The following KCNJ16 variants were observed in gnomAD, a reference collection of about 807,000 sequenced individuals.
The protein encoded by KCNJ16 is inward rectifier potassium channel 16.
KCNJ16 carries 15 observed loss-of-function variants against 18.5 expected under a neutral mutation model. That is an observed-to-expected ratio of 0.81 (90% CI 0.54 to 1.25). KCNJ16 has a LOEUF of 1.25. Among genes scored for constraint, KCNJ16 ranks in the 50% most tolerant of loss-of-function variants. KCNJ16 has a pLI of 0.00. For missense variants in KCNJ16, 523 were observed against 525.7 expected (o/e 0.99, Z 0.05); for synonymous variants, 174 against 186.5 (o/e 0.93, Z 0.55).
chr17:70,131,099 A>G (rs932551700), intron 3 of KCNJ16, 124 bp downstream of exon 3: 2 of 1,065,764 alleles, frequency 1.9e-6, no homozygotes, highest in South Asian at 2.7e-5. Flanking sequence ...GAAGGGTTCA[A>G]TTGTAGCGTG....
chr17:70,106,386 A>G (rs2072927118), intron 2 of KCNJ16, among the ~76,000 whole-genome samples: 1 of 152,188 alleles, frequency 6.6e-6, no homozygotes, highest in Non-Finnish European at 1.5e-5. Context: ...ATTTAATTTC[A>G]TTTGATAATT....
chr17:70,125,948 T>G (rs1324942364), intron 2 of KCNJ16, among the ~76,000 whole-genome samples: 1 of 147,556 alleles, frequency 6.8e-6, no homozygotes, highest in Non-Finnish European at 1.5e-5. Flanking sequence ...AAAAGAAAAA[T>G]AGAAAACAGA....
At chr17:70,081,811 T>C (rs542592000) in intron 1 of KCNJ16, among the ~76,000 whole-genome samples, 40 of 123,342 alleles carry the variant, frequency 3.2e-4, no homozygotes, top group African/African-American at 2.0e-3. Flanking sequence ...ATGCTCTGTG[T>C]GTGTGTGTGT....
At chr17:70,114,339 T>C (rs1874035947) in intron 2 of KCNJ16, among the ~76,000 whole-genome samples, 1 of 152,058 alleles carries the variant, frequency 6.6e-6, no homozygotes. Context: ...AAGAGGACAG[T>C]TTGCAGGCAG....
At chr17:70,124,676 A>G (rs1598174560) in intron 2 of KCNJ16, among the ~76,000 whole-genome samples, 1 of 152,232 alleles carries the variant, frequency 6.6e-6, no homozygotes, top group East Asian at 1.9e-4. Flanking sequence ...CTGATTTTCA[A>G]GATAAGAATA....
chr17:70,133,232 G>T lies in KCNJ16; in HGVS notation c.1145G>T (p.Ser382Ile), dbSNP rs1405358460. 16 of 1,614,158 alleles carry T rather than the reference G, an allele frequency of 9.9e-6. No homozygotes were observed. Among genetic ancestry groups the T allele is most frequent in the Non-Finnish European group, 1.3e-5 (15 of 1,180,024 alleles). The change falls in exon 4 of 4, where the codon AGC (serine) becomes ATC (isoleucine). Residue 382 changes from serine to isoleucine, a missense_variant. Ser to Ile is a moderately radical substitution (Grantham distance 142). Coordinates refer to ENST00000392671, the MANE Select transcript of KCNJ16 (RefSeq NM_170741.4). ...TTTAGTGCAGTTGCCATTGTCAGCA[G>T]CTGTGAAAACCCTGAGGAGACCACC... is the stretch of plus-strand genomic sequence containing the variant. ...RSFSAVAIVS[S>I]CENPEETTTS...
chr17:70,076,085 A>G (rs369833475), intron 1 of KCNJ16, among the ~76,000 whole-genome samples: 7 of 152,144 alleles, frequency 4.6e-5, no homozygotes, highest in African/African-American at 1.7e-4. Context: ...GACATATATA[A>G]TTGAACAGTT....
chr17:70,130,997 T>C, intron 3 of KCNJ16, 22 bp downstream of exon 3: 1 of 1,534,276 alleles, frequency 6.5e-7, no homozygotes, highest in Non-Finnish European at 8.7e-7. Context: ...ATGTTCTGCC[T>C]TGATGTTTTC....
intron 1 of KCNJ16, among the ~76,000 whole-genome samples, chr17:70,077,078 A>T (rs2071346663): frequency 6.6e-6 from 1 of 152,232 alleles, no homozygotes; most frequent in Admixed American, 6.5e-5. Context: ...AGAGCAGTTC[A>T]GGCAGATGGA....
intron 2 of KCNJ16, among the ~76,000 whole-genome samples, chr17:70,110,513 C>T (rs1177915020): frequency 6.6e-6 from 1 of 151,112 alleles, no homozygotes; most frequent in African/African-American, 2.5e-5. Context: ...AACTCATTTC[C>T]GGCATCCAGT....
At chr17:70,127,177 A>C (rs1038972994) in intron 2 of KCNJ16, among the ~76,000 whole-genome samples, 1 of 152,174 alleles carries the variant, frequency 6.6e-6, no homozygotes, top group Non-Finnish European at 1.5e-5. Context: ...TAGAGCTGAG[A>C]GGGAGAAGAG....
At chr17:70,106,998 T>C (rs569045403) in intron 2 of KCNJ16, among the ~76,000 whole-genome samples, 1 of 152,188 alleles carries the variant, frequency 6.6e-6, no homozygotes, top group South Asian at 2.1e-4. Context: ...TCTTCTACCA[T>C]TGTTACAGTA....
At chr17:70,086,103 A>C (rs2143631085) in intron 1 of KCNJ16, among the ~76,000 whole-genome samples, 1 of 152,336 alleles carries the variant, frequency 6.6e-6, no homozygotes, top group South Asian at 2.1e-4. Context: ...TAGTTTAAAA[A>C]GTCTTTACTT....
chr17:70,120,706 G>C (rs8065956), intron 2 of KCNJ16, among the ~76,000 whole-genome samples: 1 of 152,084 alleles, frequency 6.6e-6, no homozygotes, highest in African/African-American at 2.4e-5. Flanking sequence ...AGAACTGGTC[G>C]TGGTCATGAA....
intron 2 of KCNJ16, among the ~76,000 whole-genome samples, chr17:70,110,627 C>A (rs780834616): frequency 1.3e-5 from 2 of 152,180 alleles, no homozygotes; most frequent in African/African-American, 4.8e-5. Context: ...CAGTAGGAAG[C>A]TTCATGCTTG....
intron 2 of KCNJ16, among the ~76,000 whole-genome samples, chr17:70,120,401 C>A (rs1248907376): frequency 6.6e-6 from 1 of 152,166 alleles, no homozygotes; most frequent in African/African-American, 2.4e-5. Flanking sequence ...TGTAGCAATG[C>A]CCCACTCTCA....
chr17:70,099,019 T>A (rs970112652), intron 1 of KCNJ16, among the ~76,000 whole-genome samples: 1 of 152,178 alleles, frequency 6.6e-6, no homozygotes, highest in Non-Finnish European at 1.5e-5. Flanking sequence ...ACATCAGCCA[T>A]GCGTGGAGTA....
chr17:70,099,110 T>C (rs1422466369), intron 1 of KCNJ16, among the ~76,000 whole-genome samples: 1 of 152,198 alleles, frequency 6.6e-6, no homozygotes, highest in Non-Finnish European at 1.5e-5. Flanking sequence ...ACCAGCACTC[T>C]GCTTCCTATG....
chr17:70,084,153 G>C (rs1255639539), intron 1 of KCNJ16, among the ~76,000 whole-genome samples: 2 of 152,168 alleles, frequency 1.3e-5, no homozygotes, highest in Non-Finnish European at 2.9e-5. Context: ...ACTTGTTGTG[G>C]AAAGAATATG....
Sources: allele counts gnomAD v4.1 joint callset (sites outside exome capture counted in the v4.1 genomes callset), GRCh38; gene constraint gnomAD v4.1.1; transcripts MANE v1.5; gene names NCBI Gene and HGNC (gene_info 2026-07-23, HGNC 2026-07-21).